HDDC2: variants seen among roughly 807,000 people sequenced by gnomAD.
HDDC2 encodes the protein HD domain containing 2, also known as 5'-deoxynucleotidase HDDC2.
In HDDC2, 25 loss-of-function variants were observed where a neutral mutation model predicts 25.5. The observed-to-expected ratio is 0.98, with a 90% CI of 0.72 to 1.37. The LOEUF (loss-of-function observed/expected upper bound fraction) is 1.37. HDDC2 is among the 40% of genes most tolerant of loss of function. The pLI is 0.00. For missense variants in HDDC2, 264 were observed against 253.1 expected, an observed-to-expected ratio of 1.04 and a Z score of -0.29; for synonymous variants, 106 against 89.7, an observed-to-expected ratio of 1.18 and a Z score of -1.03.
chr6:125,297,538 G>C (rs906495946), intron 3 of HDDC2: 11 of 403,066 alleles, frequency 2.7e-5, no homozygotes, highest in African/African-American at 2.1e-4. Context: ...CAGGTGTACA[G>C]ATCAAAATGG....
chr6:125,286,668 T>C (rs1191853666), intron 4 of HDDC2, among the ~76,000 whole-genome samples: 3 of 152,196 alleles, frequency 2.0e-5, no homozygotes, highest in Admixed American at 6.5e-5. Context: ...TTATGTGGTC[T>C]TGGAATACCA....
At chr6:125,293,833 C>A (rs1798665561) in intron 3 of HDDC2, among the ~76,000 whole-genome samples, 1 of 152,144 alleles carries the variant, frequency 6.6e-6, no homozygotes, top group Non-Finnish European at 1.5e-5. Flanking sequence ...CAGGGGCCAT[C>A]TGCATTTGTC....
At chr6:125,278,973 C>T (rs926222702) in intron 4 of HDDC2, 2 of 152,094 alleles carry the variant, frequency 1.3e-5, no homozygotes, top group East Asian at 3.9e-4. Flanking sequence ...CCTGACACAG[C>T]AAAGAAACAG....
intron 1 of HDDC2, 96 bp from the exon 2 acceptor site, chr6:125,300,755 C>A (rs1168548717): frequency 1.6e-6 from 2 of 1,238,872 alleles, no homozygotes; most frequent in Non-Finnish European, 2.2e-6. Context: ...CACACAGAAG[C>A]CGGGTCATAA....
chr6:125,300,733 T>C, intron 1 of HDDC2, 74 bp from the exon 2 acceptor site: 1 of 1,452,478 alleles, frequency 6.9e-7, no homozygotes, highest in South Asian at 1.3e-5. Context: ...TCAAGAGATG[T>C]CCAGGATATA....
At chr6:125,281,625 T>G (rs962349332) in intron 4 of HDDC2, among the ~76,000 whole-genome samples, 2 of 152,032 alleles carry the variant, frequency 1.3e-5, no homozygotes, top group Non-Finnish European at 2.9e-5. Flanking sequence ...GAAGATCAAT[T>G]TAATGAAATA....
chr6:125,300,523 T>C lies in HDDC2; in HGVS notation c.206+15A>G, dbSNP rs571897174. 6.2e-6 allele frequency: 10 copies of C among 1,611,998 alleles called. No individual in the cohort carries two copies. In the African/African-American group the frequency reaches 6.7e-5, roughly 11 times the overall value. ...CCAGAATCTCTCACGAGCATCAAAGTCCAGCTCAGCTTACCGGTCTTTGTT... is the reference window on the plus strand; with the variant it reads ...CCAGAATCTCTCACGAGCATCAAAGCCCAGCTCAGCTTACCGGTCTTTGTT... On this transcript the variant is annotated intron_variant, in intron 2 of 5. Coordinates refer to ENST00000398153, the MANE Select transcript of HDDC2 (RefSeq NM_016063.3).
chr6:125,295,025 TAG>T (rs1798688029), intron 3 of HDDC2, among the ~76,000 whole-genome samples: 1 of 152,244 alleles, frequency 6.6e-6, no homozygotes, highest in Admixed American at 6.5e-5. Context: ...TGAAACCTTG[TAG>T]AGAGTTAATA....
intron 4 of HDDC2, among the ~76,000 whole-genome samples, chr6:125,291,690 GT>G (rs1798633556): frequency 6.6e-6 from 1 of 152,192 alleles, no homozygotes; most frequent in South Asian, 2.1e-4. Context: ...AGGAGAAAAT[GT>G]GGTTAAATAG....
intron 4 of HDDC2, among the ~76,000 whole-genome samples, chr6:125,283,817 T>G (rs762429688): frequency 6.6e-6 from 1 of 152,154 alleles, no homozygotes; most frequent in Non-Finnish European, 1.5e-5. Flanking sequence ...AAAAACTACT[T>G]TAAATTTCAT....
chr6:125,277,375 T>C lies in HDDC2; in HGVS notation c.379-135A>G. On this transcript the variant is annotated intron_variant, in intron 4 of 5. Transcript: ENST00000398153. Reference sequence around the variant, plus strand: ...TGTATCGGCCCCATTTCTCTACTGTTTAGAAATCCATCAGAGACACTTCTG... The same window carrying C: ...TGTATCGGCCCCATTTCTCTACTGTCTAGAAATCCATCAGAGACACTTCTG... 4 of 769,668 alleles carry C rather than the reference T, an allele frequency of 5.2e-6. No individual in the cohort carries two copies. In the South Asian group the frequency reaches 7.4e-5, roughly 14 times the overall value. The allele number at this position is 769,668 out of a possible 1,614,324, so 47.7% of individuals were successfully genotyped here. A position where few individuals can be genotyped will look rare whatever the true frequency, so the allele number is the denominator to read the frequency against.
At position 125,301,795 on chromosome 6, in the gene HDDC2, C is replaced by T. The variant is rs115199496; in HGVS notation, c.84+54G>A. ...CGAGCGGGGAGGCCGGAAGCTCCGC[C>T]GCCCCACAGTCCCGCCCGCTCGGCC... On this transcript the variant is annotated intron_variant, in intron 1 of 5. Transcript: ENST00000398153. 6,016 of 1,343,114 alleles carry T rather than the reference C, an allele frequency of 4.5e-3. 148 individuals are homozygous for T. In the African/African-American group the frequency reaches 0.065, roughly 15 times the overall value. 83.2% of individuals were successfully genotyped at this position (1,343,114 alleles called of 1,614,324 possible). A position where few individuals can be genotyped will look rare whatever the true frequency, so the allele number is the denominator to read the frequency against.
At chr6:125,290,504 G>A (rs1364415503) in intron 4 of HDDC2, among the ~76,000 whole-genome samples, 1 of 152,168 alleles carries the variant, frequency 6.6e-6, no homozygotes, top group Non-Finnish European at 1.5e-5. Flanking sequence ...CCTACAACCT[G>A]TAAATGTGAC....
intron 2 of HDDC2, among the ~76,000 whole-genome samples, chr6:125,299,547 T>C (rs1200964177): frequency 6.6e-6 from 1 of 152,192 alleles, no homozygotes; most frequent in East Asian, 1.9e-4. Flanking sequence ...GGCCAGTATG[T>C]TTTAGGCTCC....
chr6:125,296,340 G>C (rs1798705674), intron 3 of HDDC2, among the ~76,000 whole-genome samples: 1 of 152,044 alleles, frequency 6.6e-6, no homozygotes, highest in African/African-American at 2.4e-5. Context: ...GATACTGAGG[G>C]ACCACTGTAT....
chr6:125,282,356 A>G (rs1455725500), intron 4 of HDDC2, among the ~76,000 whole-genome samples: 2 of 151,794 alleles, frequency 1.3e-5, no homozygotes, highest in Non-Finnish European at 2.9e-5. Context: ...TCAAAAAAAA[A>G]AAAAGAAAAA....
At chr6:125,277,396 T>A (rs1368650051) in intron 4 of HDDC2, 156 bp from the exon 5 acceptor site, 2 of 645,084 alleles carry the variant, frequency 3.1e-6, no homozygotes, top group Non-Finnish European at 5.3e-6. Context: ...TCAGAGACAC[T>A]TCTGTAATTT....
intron 4 of HDDC2, among the ~76,000 whole-genome samples, chr6:125,289,518 A>T (rs988973720): frequency 3.0e-5 from 3 of 99,310 alleles, no homozygotes; most frequent in Non-Finnish European, 5.4e-5. Context: ...AACAAAACAA[A>T]AAAAACAAAA....
chr6:125,285,537 A>G (rs1798520841), intron 4 of HDDC2, among the ~76,000 whole-genome samples: 1 of 152,136 alleles, frequency 6.6e-6, no homozygotes, highest in African/African-American at 2.4e-5. Flanking sequence ...ATAAGGTGAC[A>G]AATAGTGAAG....
Sources: gnomAD v4.1 joint callset for allele counts (sites outside exome capture counted in the v4.1 genomes callset) on GRCh38, gnomAD v4.1.1 for gene constraint, MANE v1.5 for transcripts, NCBI Gene and HGNC (gene_info 2026-07-23, HGNC 2026-07-21) for gene names.